The following SLC7A5 variants were observed in gnomAD, a reference collection of about 807,000 sequenced individuals.
The protein encoded by SLC7A5 is large neutral amino acids transporter small subunit 1.
Under a neutral mutation model 50.2 loss-of-function variants are expected in SLC7A5, and 23 were observed. The ratio of observed to expected loss-of-function variants is 0.46; its 90% CI spans 0.33 to 0.65. The LOEUF is 0.65. Among genes scored for constraint, SLC7A5 ranks in the 30% least tolerant of loss-of-function variants. The probability of loss-of-function intolerance (pLI) is 0.02; values close to 1 mark genes in which losing one functional copy is unlikely to be tolerated. For missense variants in SLC7A5, 578 were observed against 684.4 expected (o/e 0.84, Z 1.73); for synonymous variants, 393 against 330.6 (o/e 1.19, Z -2.05).
chr16:87,840,573 C>G (rs903987550), intron 3 of SLC7A5, 100 bp from the exon 4 acceptor site: 9 of 1,024,288 alleles, frequency 8.8e-6, no homozygotes, highest in Admixed American at 3.5e-5. Context: ...GCCTGCCCCC[C>G]GGTGGTCTGC....
At chr16:87,849,930 C>T (rs184457086) in intron 2 of SLC7A5, among the ~76,000 whole-genome samples, 42 of 152,298 alleles carry the variant, frequency 2.8e-4, no homozygotes, top group African/African-American at 9.4e-4. Flanking sequence ...TTCCCCTCGA[C>T]GATGAGGCAG....
At chr16:87,866,825 G>C (rs1349136269) in intron 1 of SLC7A5, among the ~76,000 whole-genome samples, 1 of 152,122 alleles carries the variant, frequency 6.6e-6, no homozygotes, top group Non-Finnish European at 1.5e-5. Context: ...TTATTAGAAA[G>C]AGAAAACTAG....
chr16:87,838,634 C>G (rs757175310), intron 6 of SLC7A5, 80 bp downstream of exon 6: 9 of 1,111,872 alleles, frequency 8.1e-6, no homozygotes, highest in Non-Finnish European at 1.1e-5. Flanking sequence ...AGAGACAAAC[C>G]TTTTACAGAC....
intron 2 of SLC7A5, among the ~76,000 whole-genome samples, chr16:87,842,234 T>C (rs2055090829): frequency 6.6e-6 from 1 of 152,170 alleles, no homozygotes; most frequent in South Asian, 2.1e-4. Context: ...TAGAGAACCG[T>C]GTGTGACAGT....
chr16:87,850,295 G>C (rs1274025501), intron 2 of SLC7A5, among the ~76,000 whole-genome samples: 1 of 152,200 alleles, frequency 6.6e-6, no homozygotes, highest in East Asian at 1.9e-4. Flanking sequence ...CCCCACACAG[G>C]AGGAGGCAGC....
intron 5 of SLC7A5, 137 bp downstream of exon 5, chr16:87,839,565 G>A (rs2055057044): frequency 8.1e-7 from 1 of 1,234,456 alleles, no homozygotes; most frequent in South Asian, 1.2e-5. Context: ...ACCCCTCCGG[G>A]TAGGGGAGGC....
At chr16:87,839,864 C>T (rs372124088) in intron 4 of SLC7A5, 39 bp from the exon 5 acceptor site, 108 of 1,612,284 alleles carry the variant, frequency 6.7e-5, no homozygotes, top group South Asian at 4.6e-4. Context: ...CAACGCAGCC[C>T]GGGCTGAAGG....
At chr16:87,854,298 A>C (rs1202153351) in intron 1 of SLC7A5, among the ~76,000 whole-genome samples, 2 of 152,216 alleles carry the variant, frequency 1.3e-5, no homozygotes, top group African/African-American at 4.8e-5. Context: ...TATTCCTTTT[A>C]TAACAAGAAC....
intron 1 of SLC7A5, 81 bp from the exon 2 acceptor site, chr16:87,851,930 C>A: frequency 6.4e-7 from 1 of 1,555,304 alleles, no homozygotes; most frequent in Non-Finnish European, 8.8e-7. Context: ...GACGACCCCA[C>A]CCCCACCCCA....
rs1029584670 is a variant in SLC7A5, at chr16:87,862,293, C to T, written c.538+6592G>A. On this transcript the variant is annotated intron_variant, in intron 1 of 9. Coordinates refer to ENST00000261622, the MANE Select transcript of SLC7A5 (RefSeq NM_003486.7). This position sits in a 1 kb window ranked among gnomAD's most constrained non-coding sequence, Gnocchi z 5.3. ...AGCCTGAAGACCCTGGGGCAAAACA[C>T]ACACAGGCCCCCTCTGCTCTCTGGT... 2.0e-5 allele frequency among the ~76,000 whole-genome samples: 3 copies of T among 152,134 alleles called. No homozygotes were observed. The highest frequency in any genetic ancestry group is 2.1e-4 in the South Asian group (1 of 4,832).
At chr16:87,855,345 C>T (rs1203550660) in intron 1 of SLC7A5, among the ~76,000 whole-genome samples, 1 of 152,032 alleles carries the variant, frequency 6.6e-6, no homozygotes, top group Admixed American at 6.5e-5. Flanking sequence ...CAAGAAGGCA[C>T]CTGAACAGGG....
chr16:87,837,695 C>G, intron 7 of SLC7A5, 150 bp downstream of exon 7: 8 of 636,958 alleles, frequency 1.3e-5, no homozygotes, highest in Non-Finnish European at 1.7e-5. Flanking sequence ...CCAGCGCTCT[C>G]TGGCATTCAG....
chr16:87,868,379 T>G (rs1392391231), intron 1 of SLC7A5, among the ~76,000 whole-genome samples: 1 of 152,180 alleles, frequency 6.6e-6, no homozygotes, highest in Non-Finnish European at 1.5e-5. Flanking sequence ...GCACACGATG[T>G]TATTACTACT....
At position 87,832,775 on chromosome 16, in the gene SLC7A5, C is replaced by CT. The variant is rs1647427110; in HGVS notation, c.*194dup. ...CAGGAGCACAGGCACACCTGGGTCC[C>CT]TGGCCCTCAGTTGAGGGATGAGATT... is the stretch of plus-strand genomic sequence containing the variant. On this transcript the variant is annotated 3_prime_UTR_variant, in exon 10 of 10. Transcript: ENST00000261622. The surrounding 1 kb of genome is among the most constrained non-coding windows in gnomAD (Gnocchi z 4.6). The CT allele has an allele frequency of 1.6e-6, 1 of 609,408 alleles. No homozygotes were observed. Among genetic ancestry groups the CT allele is most frequent in the Admixed American group, 2.2e-5 (1 of 44,620 alleles). 37.8% of individuals were successfully genotyped at this position (609,408 alleles called of 1,614,324 possible).
chr16:87,857,711 C>G (rs939483272), intron 1 of SLC7A5, among the ~76,000 whole-genome samples: 1 of 152,266 alleles, frequency 6.6e-6, no homozygotes, highest in Non-Finnish European at 1.5e-5. Flanking sequence ...CTGGCCCCAC[C>G]TGTCTGCTCA....
At position 87,869,332 on chromosome 16, in the gene SLC7A5, T is replaced by C. The variant is rs370676920; in HGVS notation, c.91A>G (p.Ser31Gly). ...CCTGCCGGCGCCGAGCCGTCCGCGC[T>C]CTTGGCGGCCAGCATCTTCTCCCGC... is the stretch of plus-strand genomic sequence containing the variant. ...EAREKMLAAK[S>G]ADGSAPAGEG... Residue 31 changes from serine (S) to glycine (G), a missense_variant, in exon 1 of 10, where the codon AGC becomes GGC. Ser to Gly is a moderately conservative substitution (Grantham distance 56, BLOSUM62 0). Coordinates refer to ENST00000261622, the MANE Select transcript of SLC7A5 (RefSeq NM_003486.7). 11 of 1,609,738 alleles carry C rather than the reference T, an allele frequency of 6.8e-6. No homozygotes were observed. The highest frequency in any genetic ancestry group is 8.5e-6 in the Non-Finnish European group (10 of 1,179,170).
chr16:87,852,917 A>G lies in SLC7A5; in HGVS notation c.539-1068T>C, dbSNP rs903933361. On this transcript the variant is annotated intron_variant, in intron 1 of 9. Transcript: ENST00000261622. This position sits in a 1 kb window ranked among gnomAD's most constrained non-coding sequence, Gnocchi z 4.5. ...CTCACTGCCTGCTGCACTACCCTTC[A>G]CTCCTCTGCTCACGAGGTTATCTGT... Among the ~76,000 whole-genome samples, 1 of 151,536 alleles carries G rather than the reference A, an allele frequency of 6.6e-6. No individual in the cohort carries two copies. Among genetic ancestry groups the G allele is most frequent in the African/African-American group, 2.4e-5 (1 of 41,160 alleles).
In SLC7A5 at chr16:87,837,830, G is replaced by A. The variant is rs368021705; in HGVS notation, c.1140+15C>T. 644 of 1,592,508 alleles carry A rather than the reference G, an allele frequency of 4.0e-4. No individual in the cohort carries two copies. Among genetic ancestry groups the A allele is most frequent in the Non-Finnish European group, 4.5e-4 (527 of 1,170,140 alleles). ...CCCCAGGGATGTAGGGCACAGGGCC[G>A]TGCAGCAGGCTTACCGTGAACACGA... On this transcript the variant is annotated intron_variant, in intron 7 of 9. Transcript: ENST00000261622.
intron 1 of SLC7A5, among the ~76,000 whole-genome samples, chr16:87,858,281 G>A (rs1347412365): frequency 1.3e-5 from 2 of 152,196 alleles, no homozygotes; most frequent in Non-Finnish European, 2.9e-5. Flanking sequence ...GTCTTACGGC[G>A]CCCCATGAAA....
Sources: allele counts gnomAD v4.1 joint callset (sites outside exome capture counted in the v4.1 genomes callset), GRCh38; gene constraint gnomAD v4.1.1; non-coding constraint Gnocchi (gnomAD v3.1); transcripts MANE v1.5; gene names NCBI Gene and HGNC (gene_info 2026-07-23, HGNC 2026-07-21).